Variants in NAALADL2 observed in about 807,000 individuals in gnomAD.
NAALADL2 encodes N-acetylated alpha-linked acidic dipeptidase like 2, also known as inactive N-acetylated-alpha-linked acidic dipeptidase-like protein 2.
Under a neutral mutation model 87.2 loss-of-function variants are expected in NAALADL2, and 76 were observed. That is an observed-to-expected ratio of 0.87 (90% confidence interval 0.72 to 1.05). The LOEUF (loss-of-function observed/expected upper bound fraction) is 1.05. Among genes scored for constraint, NAALADL2 ranks in the 50% least tolerant of loss-of-function variants. The pLI is 0.00. For missense variants in NAALADL2, 1,089 were observed against 945.8 expected (o/e 1.15, Z -1.99); for synonymous variants, 354 against 331.0 (o/e 1.07, Z -0.75).
chr3:175,565,884 C>T (rs1023042471), intron 9 of NAALADL2, among the ~76,000 whole-genome samples: 17 of 119,056 alleles, frequency 1.4e-4, no homozygotes, highest in African/African-American at 5.3e-4. Context: ...GGCTGGAGTG[C>T]AGTGGTGCGT....
chr3:175,480,916 T>C (rs1290606759), intron 9 of NAALADL2, among the ~76,000 whole-genome samples: 1 of 151,914 alleles, frequency 6.6e-6, no homozygotes, highest in Non-Finnish European at 1.5e-5. Flanking sequence ...CTGCTCTTTG[T>C]AAAAAGTGTA....
chr3:174,491,070 A>G (rs1157858802), intron 1 of NAALADL2, among the ~76,000 whole-genome samples: 2 of 152,116 alleles, frequency 1.3e-5, no homozygotes, highest in African/African-American at 4.8e-5. Context: ...TATGAGAGAG[A>G]ACATTGGGAC....
chr3:175,174,188 C>A (rs893865333), intron 2 of NAALADL2, among the ~76,000 whole-genome samples: 1 of 152,114 alleles, frequency 6.6e-6, no homozygotes, highest in African/African-American at 2.4e-5. Flanking sequence ...ATTGAACAAT[C>A]CATATAACAA....
At chr3:175,209,888 TAAAAA>T in intron 2 of NAALADL2, among the ~76,000 whole-genome samples, 1 of 151,644 alleles carries the variant, frequency 6.6e-6, no homozygotes, top group African/African-American at 2.4e-5. Context: ...TTAAAAAAAT[TAAAAA>T]TAAATAAATA....
At chr3:175,454,606 A>G (rs1224448082) in intron 6 of NAALADL2, among the ~76,000 whole-genome samples, 1 of 152,096 alleles carries the variant, frequency 6.6e-6, no homozygotes, top group Non-Finnish European at 1.5e-5. Context: ...TAGGTTGAAG[A>G]TAGCCTCGTA....
At chr3:174,712,302 C>T (rs981885849) in intron 2 of NAALADL2, among the ~76,000 whole-genome samples, 1 of 150,890 alleles carries the variant, frequency 6.6e-6, no homozygotes, top group East Asian at 1.9e-4. Flanking sequence ...CTCTTCTTAA[C>T]GTATCCTAAT....
intron 5 of NAALADL2, among the ~76,000 whole-genome samples, chr3:175,434,233 G>T (rs1385552470): frequency 1.3e-5 from 2 of 151,910 alleles, no homozygotes; most frequent in African/African-American, 2.4e-5. Flanking sequence ...AAAATGGAAA[G>T]ATTTCTATTA....
At chr3:174,925,163 G>T (rs1204106818) in intron 1 of NAALADL2, among the ~76,000 whole-genome samples, 1 of 152,038 alleles carries the variant, frequency 6.6e-6, no homozygotes, top group Admixed American at 6.6e-5. Context: ...TGTTATGAAT[G>T]GTGTTGCCTA....
At chr3:174,916,919 G>T (rs894796836) in intron 1 of NAALADL2, among the ~76,000 whole-genome samples, 4 of 152,042 alleles carry the variant, frequency 2.6e-5, no homozygotes, top group African/African-American at 9.7e-5. Context: ...TTTTCAGAGT[G>T]ATTAATATAT....
chr3:175,557,335 A>G (rs994962453), intron 9 of NAALADL2, among the ~76,000 whole-genome samples: 1 of 152,204 alleles, frequency 6.6e-6, no homozygotes, highest in Non-Finnish European at 1.5e-5. Context: ...TGAAGTGTGT[A>G]ATAATCACAT....
In NAALADL2 at chr3:174,656,021, C is replaced by T. The variant is rs1033425343; in HGVS notation, c.-114-81620C>T. ...TGTATCAATGGTACTTTACACATGC[C>T]GAGTTTAATATTTGTTTAAAATGTC... is the stretch of plus-strand genomic sequence containing the variant. On this transcript the variant is annotated intron_variant, in intron 2 of 3. Transcript: ENST00000434257. 7.2e-5 allele frequency among the ~76,000 whole-genome samples: 11 copies of T among 152,016 alleles called. No individual in the cohort carries two copies. The East Asian group carries it at 1.2e-3, about 16-fold the overall frequency.
chr3:175,142,674 A>T (rs1400855866), intron 2 of NAALADL2, among the ~76,000 whole-genome samples: 1 of 151,976 alleles, frequency 6.6e-6, no homozygotes, highest in Non-Finnish European at 1.5e-5. Context: ...TATGTCAGGT[A>T]ACATTTGCAG....
At chr3:174,568,588 A>G (rs1276826274) in intron 2 of NAALADL2, among the ~76,000 whole-genome samples, 3 of 152,034 alleles carry the variant, frequency 2.0e-5, no homozygotes, top group African/African-American at 7.2e-5. Context: ...ACAGAAAATC[A>G]TGCTTTAACT....
chr3:175,272,450 T>G (rs1361260421), intron 4 of NAALADL2, among the ~76,000 whole-genome samples: 4 of 152,130 alleles, frequency 2.6e-5, no homozygotes, highest in Non-Finnish European at 5.9e-5. Flanking sequence ...TAAGATTAAT[T>G]GGTTTAGTGG....
intron 9 of NAALADL2, among the ~76,000 whole-genome samples, chr3:175,543,266 A>T (rs1712697748): frequency 6.6e-6 from 1 of 152,128 alleles, no homozygotes. Flanking sequence ...CCAAGACACC[A>T]CAAGAATGTC....
At chr3:174,838,657 A>G (rs1318816617) in intron 3 of NAALADL2, among the ~76,000 whole-genome samples, 1 of 152,246 alleles carries the variant, frequency 6.6e-6, no homozygotes, top group Admixed American at 6.5e-5. Context: ...TTTCAGATAC[A>G]AAATTAATGT....
intron 1 of NAALADL2, among the ~76,000 whole-genome samples, chr3:175,042,011 T>G (rs1754128666): frequency 6.6e-6 from 1 of 152,158 alleles, no homozygotes. Flanking sequence ...ATGCTGTACA[T>G]TAGGTCCTCA....
chr3:175,446,063 G>C (rs1367285734), intron 5 of NAALADL2, among the ~76,000 whole-genome samples: 1 of 152,114 alleles, frequency 6.6e-6, no homozygotes. Context: ...TTTCAATGGA[G>C]GATGTTGTGG....
intron 2 of NAALADL2, among the ~76,000 whole-genome samples, chr3:175,124,177 T>C (rs778712171): frequency 1.3e-5 from 2 of 151,990 alleles, no homozygotes; most frequent in Non-Finnish European, 2.9e-5. Flanking sequence ...ATACTGAAGC[T>C]ATTTGGGCAT....
Sources: gnomAD v4.1 joint callset for allele counts (sites outside exome capture counted in the v4.1 genomes callset) on GRCh38, gnomAD v4.1.1 for gene constraint, MANE v1.5 for transcripts, NCBI Gene and HGNC (gene_info 2026-07-23, HGNC 2026-07-21) for gene names.